PARVG: variants seen among roughly 807,000 people sequenced by gnomAD.
PARVG encodes the protein gamma-parvin.
Under a neutral mutation model 44.4 loss-of-function variants are expected in PARVG, and 36 were observed. The observed-to-expected ratio is 0.81, with a 90% CI of 0.62 to 1.07. The LOEUF is 1.07. Among genes scored for constraint, PARVG ranks in the 50% least tolerant of loss-of-function variants. PARVG has a pLI of 0.00. For synonymous variants in PARVG, 170 were observed against 174.1 expected (o/e 0.98, Z 0.19); for missense variants, 407 against 407.4 (o/e 1.00, Z 0.01).
chr22:44,200,666 A>T (rs2054695178), intron 12 of PARVG, among the ~76,000 whole-genome samples: 1 of 152,134 alleles, frequency 6.6e-6, no homozygotes, highest in African/African-American at 2.4e-5. Context: ...TTTTCTAAAG[A>T]GGTGAAGCAG....
At chr22:44,184,749 C>T (rs2054438605) in intron 3 of PARVG, 1 of 152,202 alleles carries the variant, frequency 6.6e-6, no homozygotes, top group African/African-American at 2.4e-5. Flanking sequence ...CCAGAGTCAC[C>T]TGGCTGTCTT....
chr22:44,187,468 C>G (rs1024071300), intron 4 of PARVG: 5 of 440,830 alleles, frequency 1.1e-5, no homozygotes, highest in Non-Finnish European at 2.1e-5. Flanking sequence ...ATTCCCCAAG[C>G]CATTTCCCCA....
chr22:44,186,651 T>C (rs1181405826), intron 4 of PARVG: 2 of 471,166 alleles, frequency 4.2e-6, no homozygotes, highest in Admixed American at 4.7e-5. Flanking sequence ...GGTGAGGTGC[T>C]GACATGTCGT....
chr22:44,182,042 G>C lies in PARVG; in HGVS notation c.-13+125G>C. On this transcript the variant is annotated intron_variant, in intron 2 of 13. Coordinates refer to ENST00000444313, the MANE Select transcript of PARVG (RefSeq NM_022141.7). This position sits in a 1 kb window ranked among gnomAD's most constrained non-coding sequence, Gnocchi z 4.6. ...CCAGGCCACCCGGGGAAGGGAGTCGGTAAAGTGGGACCTTGAGTCCCCACG... is the reference window on the plus strand; with the variant it reads ...CCAGGCCACCCGGGGAAGGGAGTCGCTAAAGTGGGACCTTGAGTCCCCACG... 1.3e-6 allele frequency: 1 copy of C among 793,346 alleles called. No individual in the cohort carries two copies. Among genetic ancestry groups the C allele is most frequent in the African/African-American group, 1.9e-5 (1 of 53,352 alleles). 49.1% of individuals were successfully genotyped at this position (793,346 alleles called of 1,614,324 possible).
chr22:44,201,718 C>CA (rs1361997001), intron 12 of PARVG, among the ~76,000 whole-genome samples: 3 of 152,234 alleles, frequency 2.0e-5, no homozygotes, highest in Non-Finnish European at 4.4e-5. Flanking sequence ...CACAGACCGG[C>CA]AGGTCGGCTG....
intron 7 of PARVG, 121 bp downstream of exon 7, chr22:44,190,787 C>T (rs757478603): frequency 1.2e-6 from 1 of 812,672 alleles, no homozygotes. Flanking sequence ...TTTCAGGGAA[C>T]CCTGAGAAAT....
intron 4 of PARVG, 77 bp from the exon 5 acceptor site, chr22:44,187,699 G>A: frequency 1.5e-6 from 2 of 1,373,998 alleles, no homozygotes. Context: ...CAGGCGAGAG[G>A]CAGGCATTCT....
At chr22:44,196,802 A>G (rs1053630566) in intron 11 of PARVG, among the ~76,000 whole-genome samples, 5 of 152,196 alleles carry the variant, frequency 3.3e-5, no homozygotes. Context: ...GGCGTAGGTG[A>G]CAGCGCAGCC....
intron 12 of PARVG, among the ~76,000 whole-genome samples, chr22:44,205,008 A>G (rs1000000265): frequency 1.3e-5 from 2 of 152,174 alleles, no homozygotes; most frequent in Non-Finnish European, 2.9e-5. Flanking sequence ...TGGTGAGCCC[A>G]CTTTGCAGGG....
At chr22:44,205,914 G>A in intron 13 of PARVG, 85 bp downstream of exon 13, 14 of 1,473,678 alleles carry the variant, frequency 9.5e-6, no homozygotes, top group Non-Finnish European at 1.2e-5. Context: ...GCAGGGCATT[G>A]GGGGATGAGC....
intron 9 of PARVG, 60 bp from the exon 10 acceptor site, chr22:44,196,095 C>T (rs1198788696): frequency 3.8e-6 from 6 of 1,598,136 alleles, no homozygotes; most frequent in African/African-American, 1.3e-5. Flanking sequence ...AAAAAAATTC[C>T]CTGTTTGGCA....
chr22:44,196,129 G>A, intron 9 of PARVG, 26 bp from the exon 10 acceptor site: 1 of 1,613,638 alleles, frequency 6.2e-7, no homozygotes, highest in East Asian at 2.2e-5. Flanking sequence ...ATCGTAATGA[G>A]GTGTTTATTG....
chr22:44,203,578 C>A (rs957778437), intron 12 of PARVG, among the ~76,000 whole-genome samples: 1 of 152,228 alleles, frequency 6.6e-6, no homozygotes, highest in Non-Finnish European at 1.5e-5. Flanking sequence ...AGTGCGGAGT[C>A]TGGAACCTCA....
chr22:44,173,072 A>G, exon 1 of PARVG: 1 of 1,289,752 alleles, frequency 7.8e-7, no homozygotes, highest in Non-Finnish European at 1.0e-6. Flanking sequence ...GGGACCTTCC[A>G]ATTGGACAGG....
intron 4 of PARVG, chr22:44,186,422 CTG>C (rs1481483046): frequency 5.2e-6 from 2 of 387,058 alleles, no homozygotes; most frequent in Non-Finnish European, 1.1e-5. Context: ...CCCTCAGCGT[CTG>C]TGTCTCCAGT....
chr22:44,178,069 C>A (rs1376143979), upstream of PARVG, among the ~76,000 whole-genome samples: 1 of 152,186 alleles, frequency 6.6e-6, no homozygotes, highest in African/African-American at 2.4e-5. Flanking sequence ...TCCCCCTTCA[C>A]CTTCCACCAT....
chr22:44,181,312 G>A, intron 1 of PARVG, 127 bp downstream of exon 1: 1 of 984,680 alleles, frequency 1.0e-6, no homozygotes. Flanking sequence ...GAGGGCTTGT[G>A]GGAGCCTCAG....
At chr22:44,186,655 A>G (rs576656192) in intron 4 of PARVG, 2 of 471,142 alleles carry the variant, frequency 4.2e-6, no homozygotes, top group South Asian at 1.5e-5. Context: ...AGGTGCTGAC[A>G]TGTCGTCTCA....
chr22:44,183,536 C>T (rs1569178109), intron 3 of PARVG, 128 bp downstream of exon 3: 4 of 806,936 alleles, frequency 5.0e-6, no homozygotes, highest in Non-Finnish European at 7.4e-6. Context: ...TCACCCCTGC[C>T]TCCACCTTCT....
Sources: allele counts gnomAD v4.1 joint callset (sites outside exome capture counted in the v4.1 genomes callset), GRCh38; gene constraint gnomAD v4.1.1; non-coding constraint Gnocchi (gnomAD v3.1); transcripts MANE v1.5; gene names NCBI Gene and HGNC (gene_info 2026-07-23, HGNC 2026-07-21).